Variants in LITAF observed in about 807,000 individuals in gnomAD.
LITAF encodes the protein lipopolysaccharide induced TNF factor.
LITAF carries 9 observed loss-of-function variants against 14.5 expected under a neutral mutation model. The ratio of observed to expected loss-of-function variants is 0.62; its 90% confidence interval spans 0.37 to 1.08. LITAF has a LOEUF of 1.08. Among genes scored for constraint, LITAF ranks in the 50% least tolerant of loss-of-function variants. The pLI is 0.01. For missense variants in LITAF, 206 were observed against 213.4 expected, an observed-to-expected ratio of 0.97 and a Z score of 0.22; for synonymous variants, 98 against 88.2, an observed-to-expected ratio of 1.11 and a Z score of -0.62.
chr16:11,629,977 T>A (rs1567268536), intron 3 of LITAF, among the ~76,000 whole-genome samples: 1 of 152,150 alleles, frequency 6.6e-6, no homozygotes, highest in Non-Finnish European at 1.5e-5. Context: ...CGCCAGGTGT[T>A]GGGGAGGGAA....
intron 1 of LITAF, among the ~76,000 whole-genome samples, chr16:11,560,562 C>T (rs1416964195): frequency 2.8e-5 from 4 of 145,380 alleles, no homozygotes; most frequent in Admixed American, 1.4e-4. Flanking sequence ...CAGCCTGGGC[C>T]ACAGAGCGAG....
At chr16:11,628,905 A>C (rs1346680721) in intron 3 of LITAF, among the ~76,000 whole-genome samples, 1 of 152,132 alleles carries the variant, frequency 6.6e-6, no homozygotes. Flanking sequence ...CGAACTCCTG[A>C]CCTCAAGTGA....
intron 3 of LITAF, among the ~76,000 whole-genome samples, chr16:11,622,957 T>C (rs1368361893): frequency 2.0e-5 from 3 of 149,308 alleles, no homozygotes; most frequent in Non-Finnish European, 3.0e-5. Context: ...AATATATATA[T>C]ATATATATAT....
intron 1 of LITAF, among the ~76,000 whole-genome samples, chr16:11,597,911 CT>C (rs2064900860): frequency 6.6e-6 from 1 of 152,010 alleles, no homozygotes; most frequent in African/African-American, 2.4e-5. Context: ...TTTTTGCTTT[CT>C]TTTTTCTTTG....
intron 3 of LITAF, among the ~76,000 whole-genome samples, chr16:11,615,184 A>G (rs1458495985): frequency 6.6e-6 from 1 of 152,156 alleles, no homozygotes; most frequent in Non-Finnish European, 1.5e-5. Context: ...CAGGAAGAAA[A>G]GCGACACCCA....
At position 11,558,819 on chromosome 16, in the gene LITAF, C is replaced by T. The variant is rs374041696; in HGVS notation, c.-5-2084G>A. 5.6e-4 allele frequency among the ~76,000 whole-genome samples: 86 copies of T among 152,236 alleles called. No homozygotes were observed. The highest frequency in any genetic ancestry group is 1.9e-3 in the African/African-American group (79 of 41,534). ...CTGCATTCTAGAAAACTTTGAAAGT[C>T]CCTTGGAGAACACGTGTTCAAGACT... On this transcript the variant is annotated intron_variant, in intron 1 of 3. Coordinates refer to ENST00000622633, the MANE Select transcript of LITAF (RefSeq NM_001136472.2). The surrounding 1 kb of genome is among the most constrained non-coding windows in gnomAD (Gnocchi z 4.1).
chr16:11,627,441 C>A (rs2141901853), intron 3 of LITAF, among the ~76,000 whole-genome samples: 1 of 152,342 alleles, frequency 6.6e-6, no homozygotes, highest in East Asian at 1.9e-4. Context: ...CTCTTGCCCT[C>A]CCCACTTCCC....
At chr16:11,596,751 GAGA>G (rs1267374427) in intron 1 of LITAF, among the ~76,000 whole-genome samples, 1 of 106,694 alleles carries the variant, frequency 9.4e-6, no homozygotes, top group Admixed American at 9.8e-5. Flanking sequence ...GGAGGAGGAA[GAGA>G]AGAAGGGAGA....
At chr16:11,556,431 A>G (rs1354509382) in intron 2 of LITAF, 80 bp downstream of exon 2, 1 of 1,274,226 alleles carries the variant, frequency 7.8e-7, no homozygotes, top group East Asian at 2.5e-5. Flanking sequence ...ACTCTTTGGC[A>G]GAGTCACTTC....
At chr16:11,551,674 A>T (rs1353946789) in intron 3 of LITAF, 4 of 627,212 alleles carry the variant, frequency 6.4e-6, no homozygotes, top group Non-Finnish European at 1.1e-5. Flanking sequence ...CAAAAAAAAA[A>T]TTTAAAAATT....
chr16:11,627,429 A>G (rs990515618), intron 3 of LITAF, among the ~76,000 whole-genome samples: 1 of 152,228 alleles, frequency 6.6e-6, no homozygotes, highest in African/African-American at 2.4e-5. Context: ...CCAGGCCTGA[A>G]GCTCTTGCCC....
At chr16:11,583,209 T>C (rs910930794) in intron 1 of LITAF, among the ~76,000 whole-genome samples, 8 of 152,218 alleles carry the variant, frequency 5.3e-5, no homozygotes, top group Admixed American at 5.2e-4. Context: ...TCAGGCTGTT[T>C]CTGCAGGGCG....
chr16:11,611,140 G>C (rs576603839), intron 3 of LITAF, among the ~76,000 whole-genome samples: 11 of 152,196 alleles, frequency 7.2e-5, no homozygotes, highest in African/African-American at 2.2e-4. Context: ...CTTGAGGCCA[G>C]GAGTTCAAGA....
intron 1 of LITAF, among the ~76,000 whole-genome samples, chr16:11,576,183 T>C (rs1343896040): frequency 2.0e-5 from 3 of 151,966 alleles, no homozygotes; most frequent in Non-Finnish European, 4.4e-5. Context: ...CTAAAATCGA[T>C]CCCAGCTGGG....
chr16:11,589,923 C>CAGAT (rs1597362998), upstream of LITAF, among the ~76,000 whole-genome samples: 20 of 117,198 alleles, frequency 1.7e-4, no homozygotes, highest in African/African-American at 2.8e-4. Context: ...CACACCCAGC[C>CAGAT]AGTTGCATTT....
intron 1 of LITAF, among the ~76,000 whole-genome samples, chr16:11,593,129 C>G (rs757398845): frequency 6.6e-6 from 1 of 151,900 alleles, no homozygotes; most frequent in African/African-American, 2.4e-5. Context: ...GGAGATTGCG[C>G]CACTGCACTC....
upstream of LITAF, among the ~76,000 whole-genome samples, chr16:11,599,535 G>C (rs908869894): frequency 2.6e-5 from 4 of 152,116 alleles, no homozygotes; most frequent in African/African-American, 9.7e-5. Flanking sequence ...GTTTTGATCT[G>C]TTTGCTGTAG....
intron 1 of LITAF, among the ~76,000 whole-genome samples, chr16:11,569,415 T>C (rs1488914782): frequency 6.6e-6 from 1 of 151,924 alleles, no homozygotes; most frequent in East Asian, 1.9e-4. Flanking sequence ...TAATTTTTAA[T>C]TTTTTTTGTA....
At chr16:11,562,382 C>T (rs1198503392) in intron 1 of LITAF, among the ~76,000 whole-genome samples, 2 of 151,192 alleles carry the variant, frequency 1.3e-5, no homozygotes, top group East Asian at 1.9e-4. Flanking sequence ...CAAAGGGCCT[C>T]GCGTTTCCAT....
Sources: gnomAD v4.1 joint callset for allele counts (sites outside exome capture counted in the v4.1 genomes callset) on GRCh38, gnomAD v4.1.1 for gene constraint, Gnocchi (gnomAD v3.1) non-coding constraint, MANE v1.5 for transcripts, NCBI Gene and HGNC (gene_info 2026-07-23, HGNC 2026-07-21) for gene names.